The following PARVB variants were observed in gnomAD, a reference collection of about 807,000 sequenced individuals.
The protein encoded by PARVB is beta-parvin.
PARVB carries 46 observed loss-of-function variants against 47.0 expected under a neutral mutation model. The observed-to-expected ratio is 0.98, with a 90% CI of 0.77 to 1.25. The LOEUF (loss-of-function observed/expected upper bound fraction) is 1.25, where lower values mean the gene tolerates loss of function less well. Ranked by LOEUF, PARVB falls within the 50% of genes most tolerant of loss-of-function variation. PARVB has a pLI of 0.00. For synonymous variants in PARVB, 196 were observed against 196.3 expected, an observed-to-expected ratio of 1.00 and a Z score of 0.01; for missense variants, 473 against 471.6, an observed-to-expected ratio of 1.00 and a Z score of -0.03.
chr22:44,079,118 A>C (rs527290434), intron 1 of PARVB, among the ~76,000 whole-genome samples: 1 of 152,334 alleles, frequency 6.6e-6, no homozygotes, highest in African/African-American at 2.4e-5. Context: ...TGAGCACTCA[A>C]CGTTTCCCGC....
intron 1 of PARVB, chr22:44,081,512 A>G (rs1245735920): frequency 1.5e-6 from 1 of 648,694 alleles, no homozygotes; most frequent in African/African-American, 2.0e-5. Flanking sequence ...CCCTGGATAC[A>G]TTGGGACGTT....
At chr22:44,038,493 AC>A (rs2050960643) in intron 1 of PARVB, among the ~76,000 whole-genome samples, 1 of 152,092 alleles carries the variant, frequency 6.6e-6, no homozygotes, top group African/African-American at 2.4e-5. Flanking sequence ...TTAAAACTGG[AC>A]CTGGGGCCGG....
chr22:44,119,939 T>G, intron 4 of PARVB: 2 of 470,192 alleles, frequency 4.3e-6, no homozygotes, highest in Admixed American at 4.7e-5. Flanking sequence ...AGAGCAGAGT[T>G]CGCAGATGAT....
intron 1 of PARVB, among the ~76,000 whole-genome samples, chr22:44,062,035 G>A (rs117493069): frequency 8.5e-5 from 13 of 152,158 alleles, no homozygotes; most frequent in African/African-American, 2.9e-4. Context: ...GAATCAAGGC[G>A]ATTGACTGTA....
chr22:44,104,278 G>A (rs2147078311), intron 3 of PARVB: 1 of 152,224 alleles, frequency 6.6e-6, no homozygotes, highest in East Asian at 1.9e-4. Context: ...GCGTCTCAAA[G>A]CAGGCTGGCA....
At chr22:44,126,657 G>A (rs550949563) in intron 4 of PARVB, among the ~76,000 whole-genome samples, 277 of 152,244 alleles carry the variant, frequency 1.8e-3, no homozygotes, top group African/African-American at 6.4e-3. Flanking sequence ...GCTGGTGATG[G>A]CCCTCTGTTG....
At chr22:44,133,485 C>G (rs924400143) in intron 6 of PARVB, among the ~76,000 whole-genome samples, 1 of 152,246 alleles carries the variant, frequency 6.6e-6, no homozygotes, top group Non-Finnish European at 1.5e-5. Flanking sequence ...GTCCTTCTAA[C>G]AGAGGGTGAA....
chr22:44,080,134 C>T (rs1015251575), intron 1 of PARVB, among the ~76,000 whole-genome samples: 1 of 152,168 alleles, frequency 6.6e-6, no homozygotes, highest in African/African-American at 2.4e-5. Flanking sequence ...CCAGGGGGCA[C>T]CCGGTGTGGA....
At chr22:44,119,611 C>G (rs1208977500) in intron 4 of PARVB, among the ~76,000 whole-genome samples, 1 of 152,178 alleles carries the variant, frequency 6.6e-6, no homozygotes, top group Admixed American at 6.5e-5. Context: ...TAGTGATCTT[C>G]CCGGGACTGA....
intron 4 of PARVB, among the ~76,000 whole-genome samples, chr22:44,123,340 G>A (rs1283584699): frequency 6.6e-6 from 1 of 152,130 alleles, no homozygotes; most frequent in Admixed American, 6.5e-5. Flanking sequence ...GAGGGTCCAG[G>A]GGCAGAGAAC....
intron 10 of PARVB, 103 bp from the exon 11 acceptor site, chr22:44,157,879 T>A (rs2147168256): frequency 2.6e-6 from 2 of 755,336 alleles, no homozygotes; most frequent in South Asian, 3.2e-5. Context: ...GGTGACAGAG[T>A]GAGACCCTGT....
intron 7 of PARVB, chr22:44,139,335 C>A (rs2053503533): frequency 6.6e-6 from 1 of 152,552 alleles, no homozygotes; most frequent in Admixed American, 6.5e-5. Context: ...ACCTGAGTAG[C>A]TGGGACTAGA....
At position 44,163,914 on chromosome 22, in the gene PARVB, C is replaced by CT; in HGVS notation, c.1002_1003insT (p.Lys335Ter). 6.2e-7 allele frequency: 1 copy of CT among 1,610,322 alleles called. No individual in the cohort carries two copies. Among genetic ancestry groups the CT allele is most frequent in the Non-Finnish European group, 8.5e-7 (1 of 1,178,256 alleles). ...TGCTGGACGGAGGCCTCAAGAAACC[C>CT]AAGGCTCGTCCTGAAGGTAATGCCC... On this transcript the variant is annotated frameshift_variant, in exon 12 of 13. Transcript: ENST00000338758. LOFTEE classifies it high-confidence loss of function.
intron 1 of PARVB, among the ~76,000 whole-genome samples, chr22:44,037,337 C>T (rs968529796): frequency 4.6e-5 from 7 of 152,190 alleles, no homozygotes; most frequent in Non-Finnish European, 7.4e-5. Context: ...GTGGGAGGAT[C>T]GCTTGAGCCT....
At chr22:44,059,140 C>A (rs552307503) in intron 1 of PARVB, among the ~76,000 whole-genome samples, 1 of 142,600 alleles carries the variant, frequency 7.0e-6, no homozygotes, top group Non-Finnish European at 1.5e-5. Flanking sequence ...CTGCTTCTCA[C>A]ATTTAAGCGA....
intron 10 of PARVB, chr22:44,151,831 T>C (rs5764566): frequency 0.48 from 189,353 of 395,826 alleles, 48,954 homozygotes; most frequent in East Asian, 0.78. Flanking sequence ...AGATGGGGCC[T>C]GGGTGGGTTC....
At chr22:44,020,786 CT>C (rs35736968), upstream of PARVB, among the ~76,000 whole-genome samples, 906 of 145,454 alleles carry the variant, frequency 6.2e-3, 9 homozygotes, top group African/African-American at 0.019. Context: ...TCTGTCCTTT[CT>C]TTTTTTTTTT....
intron 1 of PARVB, chr22:44,086,926 C>G: frequency 1.4e-6 from 1 of 694,300 alleles, no homozygotes; most frequent in Non-Finnish European, 1.8e-6. Context: ...TAAGCCCAAG[C>G]GAAGGATCCC....
intron 2 of PARVB, among the ~76,000 whole-genome samples, chr22:44,001,452 C>T (rs1318231063): frequency 1.3e-5 from 2 of 152,318 alleles, no homozygotes; most frequent in African/African-American, 2.4e-5. Flanking sequence ...GGAACATGCT[C>T]AGAACACTTA....
Sources: allele counts gnomAD v4.1 joint callset (sites outside exome capture counted in the v4.1 genomes callset), GRCh38; gene constraint gnomAD v4.1.1; transcripts MANE v1.5; gene names NCBI Gene and HGNC (gene_info 2026-07-23, HGNC 2026-07-21).